The following ARHGAP10 variants were observed in gnomAD, a reference collection of about 807,000 sequenced individuals.
The protein encoded by ARHGAP10 is rho GTPase-activating protein 10.
In ARHGAP10, 87 loss-of-function variants were observed where a neutral mutation model predicts 108.6. That is an observed-to-expected ratio of 0.80 (90% CI 0.67 to 0.96). The LOEUF (loss-of-function observed/expected upper bound fraction) is 0.96, where lower values mean the gene tolerates loss of function less well. Among genes scored for constraint, ARHGAP10 ranks in the 40% least tolerant of loss-of-function variants. ARHGAP10 has a pLI of 0.00. For missense variants in ARHGAP10, 939 were observed against 954.5 expected, an observed-to-expected ratio of 0.98 and a Z score of 0.21; for synonymous variants, 347 against 341.1, an observed-to-expected ratio of 1.02 and a Z score of -0.19.
At chr4:147,745,514 C>G (rs1214582739) in intron 1 of ARHGAP10, 1 of 155,654 alleles carries the variant, frequency 6.4e-6, no homozygotes, top group Non-Finnish European at 1.4e-5. Flanking sequence ...TGTTTTGAGA[C>G]GGAGTCTCGC....
chr4:147,733,058 T>G (rs1728286055), intron 1 of ARHGAP10, among the ~76,000 whole-genome samples: 1 of 152,106 alleles, frequency 6.6e-6, no homozygotes, highest in African/African-American at 2.4e-5. Context: ...ATTCCTCCCC[T>G]GCCGTGCTGA....
intron 1 of ARHGAP10, among the ~76,000 whole-genome samples, chr4:147,809,940 T>C (rs1489241516): frequency 6.6e-6 from 1 of 152,216 alleles, no homozygotes; most frequent in Non-Finnish European, 1.5e-5. Flanking sequence ...TACCTAACTT[T>C]ACTTTGTTTT....
chr4:147,948,896 G>C (rs182029398), intron 15 of ARHGAP10, among the ~76,000 whole-genome samples: 312 of 151,454 alleles, frequency 2.1e-3, no homozygotes, highest in African/African-American at 7.3e-3. Context: ...AACCCAGGAG[G>C]CGGAGCTTGC....
chr4:147,985,882 G>C (rs4393981), intron 18 of ARHGAP10, among the ~76,000 whole-genome samples: 7,068 of 152,200 alleles, frequency 0.046, 514 homozygotes, highest in African/African-American at 0.16. Context: ...AATGACAGCG[G>C]GAGGTCCTCT....
intron 17 of ARHGAP10, among the ~76,000 whole-genome samples, chr4:147,965,963 G>A (rs1350127083): frequency 6.6e-6 from 1 of 152,188 alleles, no homozygotes; most frequent in East Asian, 1.9e-4. Context: ...AAAATGTTAT[G>A]CAAAGGCTTT....
chr4:147,961,352 C>G (rs1230262021), intron 16 of ARHGAP10, among the ~76,000 whole-genome samples: 1 of 152,026 alleles, frequency 6.6e-6, no homozygotes, highest in Non-Finnish European at 1.5e-5. Context: ...TTGTGAAATT[C>G]CTGCCCCGGT....
intron 18 of ARHGAP10, among the ~76,000 whole-genome samples, chr4:147,968,886 G>T (rs545554808): frequency 6.6e-6 from 1 of 152,176 alleles, no homozygotes; most frequent in South Asian, 2.1e-4. Context: ...AAAGCAGGTC[G>T]TCATCTGGGG....
chr4:147,925,894 T>C (rs1381307745), intron 13 of ARHGAP10, among the ~76,000 whole-genome samples: 8 of 152,178 alleles, frequency 5.3e-5, no homozygotes. Context: ...GGTTGTGTTA[T>C]AGGAGGAAAA....
intron 1 of ARHGAP10, among the ~76,000 whole-genome samples, chr4:147,791,312 A>C (rs1456049605): frequency 6.6e-6 from 1 of 151,564 alleles, no homozygotes; most frequent in Non-Finnish European, 1.5e-5. Context: ...GGGTTTTGCT[A>C]TGTTGGCCAG....
intron 1 of ARHGAP10, among the ~76,000 whole-genome samples, chr4:147,803,189 A>G (rs1731649745): frequency 6.6e-6 from 1 of 152,052 alleles, no homozygotes. Context: ...TTGTAATTTT[A>G]GTAGAGATGG....
At chr4:148,064,710 T>C (rs1220974490) in intron 22 of ARHGAP10, among the ~76,000 whole-genome samples, 1 of 125,688 alleles carries the variant, frequency 8.0e-6, no homozygotes, top group Non-Finnish European at 1.8e-5. Flanking sequence ...GCCACTATGC[T>C]TGCTTCTTGA....
intron 1 of ARHGAP10, among the ~76,000 whole-genome samples, chr4:147,798,752 T>A (rs1272113909): frequency 2.0e-3 from 22 of 10,940 alleles, no homozygotes; most frequent in East Asian, 4.1e-3. Context: ...TCTCTCTCTC[T>A]CTCTCTCTCT....
At chr4:147,882,079 G>C in intron 10 of ARHGAP10, 147 bp downstream of exon 10, 1 of 725,984 alleles carries the variant, frequency 1.4e-6, no homozygotes, top group Non-Finnish European at 2.3e-6. Flanking sequence ...ATTATAAGCT[G>C]TTTAGTCTTG....
intron 1 of ARHGAP10, among the ~76,000 whole-genome samples, chr4:147,814,923 A>G (rs1483214171): frequency 1.3e-5 from 2 of 152,306 alleles, no homozygotes; most frequent in East Asian, 1.9e-4. Flanking sequence ...GGGAGAACAC[A>G]GTTCAACCCA....
chr4:147,775,769 T>C (rs1176640147), intron 1 of ARHGAP10, among the ~76,000 whole-genome samples: 1 of 152,148 alleles, frequency 6.6e-6, no homozygotes, highest in Non-Finnish European at 1.5e-5. Context: ...CACAGAATTA[T>C]GGTATAAAAC....
At chr4:147,789,988 T>C (rs1352066543) in intron 1 of ARHGAP10, among the ~76,000 whole-genome samples, 1 of 147,872 alleles carries the variant, frequency 6.8e-6, no homozygotes, top group Non-Finnish European at 1.5e-5. Context: ...TGTTGGTGTG[T>C]GGATTTTTTT....
At chr4:147,951,356 C>A (rs1385310420) in intron 15 of ARHGAP10, among the ~76,000 whole-genome samples, 1 of 149,786 alleles carries the variant, frequency 6.7e-6, no homozygotes, top group Non-Finnish European at 1.5e-5. Flanking sequence ...TAAAGACTTA[C>A]TTCTGATTGG....
chr4:148,005,052 C>A (rs768717530), intron 18 of ARHGAP10, among the ~76,000 whole-genome samples: 15 of 152,188 alleles, frequency 9.9e-5, no homozygotes, highest in Non-Finnish European at 1.8e-4. Flanking sequence ...GAATCTCATG[C>A]CACTTGCTGA....
intron 15 of ARHGAP10, among the ~76,000 whole-genome samples, chr4:147,954,818 A>C (rs965800432): frequency 6.6e-6 from 1 of 151,982 alleles, no homozygotes; most frequent in Non-Finnish European, 1.5e-5. Context: ...ATTTTATTTC[A>C]TCTCTCATCT....
Sources: allele counts gnomAD v4.1 joint callset (sites outside exome capture counted in the v4.1 genomes callset), GRCh38; gene constraint gnomAD v4.1.1; transcripts MANE v1.5; gene names NCBI Gene and HGNC (gene_info 2026-07-23, HGNC 2026-07-21).